SLC17A1: variants seen among roughly 807,000 people sequenced by gnomAD.
SLC17A1 encodes the protein sodium-dependent phosphate transport protein 1.
SLC17A1 carries 51 observed loss-of-function variants against 53.5 expected under a neutral mutation model. The ratio of observed to expected loss-of-function variants is 0.95; its 90% confidence interval spans 0.76 to 1.20. The LOEUF (loss-of-function observed/expected upper bound fraction) is 1.20. Ranked by LOEUF, SLC17A1 falls within the 50% of genes most tolerant of loss-of-function variation. The pLI, the probability that SLC17A1 is intolerant of heterozygous loss-of-function variation, is 0.00. For synonymous variants in SLC17A1, 179 were observed against 198.8 expected, an observed-to-expected ratio of 0.90 and a Z score of 0.84; for missense variants, 538 against 568.2, an observed-to-expected ratio of 0.95 and a Z score of 0.54.
At chr6:25,761,722 A>G in the SLC17A1 span, among the ~76,000 whole-genome samples, 2 of 152,184 alleles carry the variant, frequency 1.3e-5, no homozygotes, top group African/African-American at 2.4e-5. Context: ...TGCGAGATAT[A>G]AATACTAAGA....
intron 10 of SLC17A1, among the ~76,000 whole-genome samples, chr6:25,809,164 G>T (rs1387312710): frequency 2.6e-5 from 4 of 151,952 alleles, no homozygotes; most frequent in Admixed American, 2.6e-4. Context: ...ACCAAATACT[G>T]CAAGTTCTCA....
At chr6:25,759,804 G>A in the SLC17A1 span, among the ~76,000 whole-genome samples, 1 of 152,130 alleles carries the variant, frequency 6.6e-6, no homozygotes, top group Non-Finnish European at 1.5e-5. Context: ...ATAGATACTT[G>A]GTTGTTTACC....
At chr6:25,742,310 C>A in the SLC17A1 span, among the ~76,000 whole-genome samples, 1 of 152,054 alleles carries the variant, frequency 6.6e-6, no homozygotes, top group Non-Finnish European at 1.5e-5. Flanking sequence ...GAATTTAAAT[C>A]CTTTATTTGC....
At chr6:25,769,240 T>C in the SLC17A1 span, 1 of 1,503,182 alleles carries the variant, frequency 6.7e-7, no homozygotes, top group African/African-American at 1.4e-5. Context: ...ATAATTTGAC[T>C]TAAAGAGTTA....
chr6:25,746,858 A>G, the SLC17A1 span, among the ~76,000 whole-genome samples: 1 of 152,332 alleles, frequency 6.6e-6, no homozygotes, highest in African/African-American at 2.4e-5. Context: ...GATTGATGGT[A>G]TGCCACTTTA....
the SLC17A1 span, among the ~76,000 whole-genome samples, chr6:25,748,977 G>C: frequency 4.6e-5 from 7 of 152,130 alleles, no homozygotes; most frequent in Admixed American, 1.3e-4. Context: ...TCCATTCCCA[G>C]GGGCAGGCAG....
At chr6:25,829,176 T>C (rs1249892362) in intron 2 of SLC17A1, among the ~76,000 whole-genome samples, 1 of 152,052 alleles carries the variant, frequency 6.6e-6, no homozygotes, top group African/African-American at 2.4e-5. Context: ...TTTTTGGCCT[T>C]CCATGATATG....
chr6:25,761,881 A>T, the SLC17A1 span: 523 of 1,138,192 alleles, frequency 4.6e-4, 3 homozygotes, highest in African/African-American at 7.1e-3. Flanking sequence ...GGGTAATATC[A>T]TATAAGATTC....
At chr6:25,774,182 A>G in the SLC17A1 span, among the ~76,000 whole-genome samples, 5 of 152,222 alleles carry the variant, frequency 3.3e-5, no homozygotes, top group Non-Finnish European at 7.3e-5. Context: ...GTTTTAAAAA[A>G]TCATTTTTAT....
chr6:25,805,235 C>A (rs376049611), intron 10 of SLC17A1, among the ~76,000 whole-genome samples: 8 of 151,912 alleles, frequency 5.3e-5, no homozygotes, highest in East Asian at 3.9e-4. Context: ...AACTAGAAAT[C>A]AACTACAAAA....
At chr6:25,828,260 C>T (rs1186702787) in intron 2 of SLC17A1, among the ~76,000 whole-genome samples, 2 of 152,116 alleles carry the variant, frequency 1.3e-5, no homozygotes, top group African/African-American at 4.8e-5. Flanking sequence ...ATTCTTGTGG[C>T]TCTTGGCTCC....
the SLC17A1 span, among the ~76,000 whole-genome samples, chr6:25,723,994 A>G: frequency 6.6e-6 from 1 of 152,254 alleles, no homozygotes; most frequent in Non-Finnish European, 1.5e-5. Flanking sequence ...CAGTACGAAT[A>G]TCAAGAATGT....
chr6:25,734,711 A>G, the SLC17A1 span, among the ~76,000 whole-genome samples: 1 of 152,242 alleles, frequency 6.6e-6, no homozygotes, highest in African/African-American at 2.4e-5. Flanking sequence ...TAAAGGAAAA[A>G]TAAATCTTAA....
chr6:25,800,237 TC>T (rs1251205499), intron 11 of SLC17A1, among the ~76,000 whole-genome samples: 1 of 151,890 alleles, frequency 6.6e-6, no homozygotes, highest in African/African-American at 2.4e-5. Context: ...TTCTGCTTGT[TC>T]ATTATAACTG....
chr6:25,793,878 T>C (rs1281476713), intron 12 of SLC17A1, among the ~76,000 whole-genome samples: 2 of 152,178 alleles, frequency 1.3e-5, no homozygotes, highest in Non-Finnish European at 2.9e-5. Context: ...GACATTACAA[T>C]TGTGAACTAT....
chr6:25,789,230 A>C (rs1023142818), intron 12 of SLC17A1, among the ~76,000 whole-genome samples: 3 of 152,224 alleles, frequency 2.0e-5, no homozygotes, highest in Non-Finnish European at 4.4e-5. Flanking sequence ...AAAGTAAGAA[A>C]GTGCTCAAAG....
At chr6:25,776,848 C>T in the SLC17A1 span, 1 of 1,613,842 alleles carries the variant, frequency 6.2e-7, no homozygotes, top group African/African-American at 1.3e-5. Context: ...GTGTCCCTGC[C>T]CTGGGTCAGA....
At chr6:25,772,141 A>G in the SLC17A1 span, among the ~76,000 whole-genome samples, 1 of 152,356 alleles carries the variant, frequency 6.6e-6, no homozygotes, top group South Asian at 2.1e-4. Context: ...ATCAACCTTT[A>G]AAGTTTTTAT....
chr6:25,762,123 A>G, the SLC17A1 span: 1 of 1,361,338 alleles, frequency 7.3e-7, no homozygotes, highest in African/African-American at 1.4e-5. Context: ...TGTGGTACTA[A>G]ATAAAACTAG....
Sources: gnomAD v4.1 joint callset for allele counts (sites outside exome capture counted in the v4.1 genomes callset) on GRCh38, gnomAD v4.1.1 for gene constraint, MANE v1.5 for transcripts, NCBI Gene and HGNC (gene_info 2026-07-23, HGNC 2026-07-21) for gene names.